TTLL6: variants seen among roughly 807,000 people sequenced by gnomAD.
TTLL6 encodes tubulin tyrosine ligase like 6.
A neutral mutation model predicts 96.4 loss-of-function variants in TTLL6; 75 were observed. The ratio of observed to expected loss-of-function variants is 0.78; its 90% CI spans 0.65 to 0.94. The LOEUF is 0.94. Ranked by LOEUF, TTLL6 falls within the 40% of genes least tolerant of loss-of-function variation. The probability of loss-of-function intolerance (pLI) is 0.00; values close to 1 mark genes in which losing one functional copy is unlikely to be tolerated. For synonymous variants in TTLL6, 411 were observed against 419.4 expected, an observed-to-expected ratio of 0.98 and a Z score of 0.24; for missense variants, 1,030 against 1,093.0, an observed-to-expected ratio of 0.94 and a Z score of 0.81.
In TTLL6 at chr17:48,790,068, C is replaced by T. The variant is rs1457926729; in HGVS notation, c.1263G>A (p.Leu421=). ...HSPSFSTDSR[L]DKEVKDGLLY... ...GCAGACCATCTTTCACCTCTTTATC[C>T]AACCGAGAGTCGGTGGAGAAGCTTG... The change falls in exon 10 of 16, where the codon TTG becomes TTA. Residue 421 remains leucine, a synonymous_variant. Transcript: ENST00000393382. 2 of 1,614,102 alleles carry T rather than the reference C, an allele frequency of 1.2e-6. No individual in the cohort carries two copies. The highest frequency in any genetic ancestry group is 1.3e-5 in the African/African-American group (1 of 75,052).
intron 13 of TTLL6, among the ~76,000 whole-genome samples, chr17:48,781,835 C>G (rs1167034693): frequency 1.3e-5 from 2 of 152,094 alleles, no homozygotes; most frequent in African/African-American, 4.8e-5. Context: ...AATCAGTACC[C>G]TTATAAAAGA....
In TTLL6 at chr17:48,787,813, G is replaced by A. The variant is rs1297547503; in HGVS notation, c.1587C>T (p.Ala529=). 2 of 1,613,544 alleles carry A rather than the reference G, an allele frequency of 1.2e-6. No homozygotes were observed. Among genetic ancestry groups the A allele is most frequent in the Non-Finnish European group, 1.7e-6 (2 of 1,179,702 alleles). Reference sequence around the variant, plus strand: ...CCTCATCCCGGATGTCTTCCTACCGGGCATACTCCTCCCGAGCCCTGGAAG... The same window carrying A: ...CCTCATCCCGGATGTCTTCCTACCGAGCATACTCCTCCCGAGCCCTGGAAG... The part of the protein sequence containing the change: ...TVASRAREEY[A]RQLIQELRLK... The change falls in exon 11 of 16, where the codon GCC becomes GCT. Residue 529 remains alanine, a splice_region_variant and synonymous_variant. Coordinates refer to ENST00000393382, the MANE Select transcript of TTLL6 (RefSeq NM_001130918.3).
At chr17:48,765,581 G>C (rs182564790) in intron 15 of TTLL6, 7 of 152,222 alleles carry the variant, frequency 4.6e-5, no homozygotes, top group African/African-American at 1.7e-4. Flanking sequence ...ATGTTGCCTA[G>C]GCTGGAGAGC....
At chr17:48,814,690 G>T (rs1406860622) in intron 1 of TTLL6, among the ~76,000 whole-genome samples, 1 of 152,234 alleles carries the variant, frequency 6.6e-6, no homozygotes, top group Non-Finnish European at 1.5e-5. Flanking sequence ...GAGGGTCCCT[G>T]TCTTATTTCC....
intron 10 of TTLL6, among the ~76,000 whole-genome samples, chr17:48,789,664 C>T (rs1281443171): frequency 6.6e-6 from 1 of 152,174 alleles, no homozygotes; most frequent in African/African-American, 2.4e-5. Flanking sequence ...AAGCAATTCT[C>T]CTGCCTCAGT....
At chr17:48,814,471 A>G (rs1182637721) in intron 1 of TTLL6, among the ~76,000 whole-genome samples, 1 of 152,164 alleles carries the variant, frequency 6.6e-6, no homozygotes, top group Non-Finnish European at 1.5e-5. Flanking sequence ...TCCAAGTAGG[A>G]TATAGTTAAG....
rs1014874755 is a variant in TTLL6, at chr17:48,803,895, C to G, written c.357G>C (p.Glu119Asp). 1 of 1,552,070 alleles carries G rather than the reference C, an allele frequency of 6.4e-7. No individual in the cohort carries two copies. The highest frequency in any genetic ancestry group is 8.7e-7 in the Non-Finnish European group (1 of 1,147,090). Residue 119 changes from glutamate to aspartate, a missense_variant, in exon 3 of 16, where the codon GAG becomes GAC. Coordinates refer to ENST00000393382, the MANE Select transcript of TTLL6 (RefSeq NM_001130918.3). ...LVINLSSCRY[E>D]SVRRAAQQYG... ...CTCCTGAATGTAGATGCTCACCACT[C>G]TCATACCGGCAGCTGGATAGATTGA... is the stretch of plus-strand genomic sequence containing the variant.
At chr17:48,785,232 C>T in intron 12 of TTLL6, 31 bp from the exon 13 acceptor site, 1 of 1,613,408 alleles carries the variant, frequency 6.2e-7, no homozygotes. Context: ...AACACACAGC[C>T]ATGGGAACCC....
At chr17:48,796,973 T>G in intron 7 of TTLL6, 88 bp downstream of exon 7, 1 of 1,376,644 alleles carries the variant, frequency 7.3e-7, no homozygotes, top group Non-Finnish European at 9.7e-7. Context: ...ACACTCACAA[T>G]GTCTTGAGGA....
At chr17:48,792,491 C>T (rs1427202477) in intron 8 of TTLL6, among the ~76,000 whole-genome samples, 1 of 152,130 alleles carries the variant, frequency 6.6e-6, no homozygotes, top group Non-Finnish European at 1.5e-5. Flanking sequence ...ACAAGAGACA[C>T]GGCTCATCCA....
At position 48,796,187 on chromosome 17, in the gene TTLL6, G is replaced by A. The variant is rs751105754; in HGVS notation, c.913-41C>T. 161 of 1,485,080 alleles carry A rather than the reference G, an allele frequency of 1.1e-4. 1 individual carries two copies. The highest frequency in any genetic ancestry group is 1.4e-4 in the Non-Finnish European group (154 of 1,087,570). The allele number at this position is 1,485,080 out of a possible 1,614,324, so 92.0% of individuals were successfully genotyped here. On this transcript the variant is annotated intron_variant, in intron 7 of 15. Coordinates refer to ENST00000393382, the MANE Select transcript of TTLL6 (RefSeq NM_001130918.3). The stretch of plus-strand genomic sequence containing the variant: ...CACATCTGTCGGGTCAGCTCGGAAG[G>A]GCAGGCCCCCTGCTTCCTCTCTGTG...
At chr17:48,804,221 C>G in intron 2 of TTLL6, 1 of 558,738 alleles carries the variant, frequency 1.8e-6, no homozygotes, top group Non-Finnish European at 3.3e-6. Context: ...AAGCCTTTTA[C>G]TCCACTGGCT....
At position 48,781,686 on chromosome 17, in the gene TTLL6, T is replaced by C. The variant is rs556085162; in HGVS notation, c.2040+3237A>G. The stretch of plus-strand genomic sequence containing the variant: ...AGATGTAGGAATTCTTCATATATGC[T>C]GGATATTAAGCCTGCTATGGTGTGA... On this transcript the variant is annotated intron_variant, in intron 13 of 15. Coordinates refer to ENST00000393382, the MANE Select transcript of TTLL6 (RefSeq NM_001130918.3). Among the ~76,000 whole-genome samples, 37 of 152,312 alleles carry C rather than the reference T, an allele frequency of 2.4e-4. 2 individuals carry two copies. In the South Asian group the frequency reaches 6.2e-3, roughly 26 times the overall value.
intron 3 of TTLL6, among the ~76,000 whole-genome samples, chr17:48,802,927 T>TG (rs1456182006): frequency 2.6e-5 from 4 of 151,790 alleles, no homozygotes; most frequent in African/African-American, 9.7e-5. Flanking sequence ...CCCAACACTC[T>TG]GGGACGCTGA....
At chr17:48,776,327 G>A (rs1170588197) in intron 13 of TTLL6, among the ~76,000 whole-genome samples, 1 of 152,116 alleles carries the variant, frequency 6.6e-6, no homozygotes, top group African/African-American at 2.4e-5. Context: ...AAATTAGCCA[G>A]GTGTGCGCCT....
chr17:48,794,397 T>C, intron 8 of TTLL6: 3 of 1,475,994 alleles, frequency 2.0e-6, no homozygotes, highest in Non-Finnish European at 2.7e-6. Flanking sequence ...ACAGAGACCC[T>C]GTGAGGTGGC....
chr17:48,774,239 T>TTTTG (rs1260843282), intron 13 of TTLL6, among the ~76,000 whole-genome samples: 2 of 136,962 alleles, frequency 1.5e-5, no homozygotes, highest in Non-Finnish European at 3.1e-5. Flanking sequence ...TGTTGTTTTT[T>TTTTG]TTTTTTTTTT....
At position 48,769,141 on chromosome 17, in the gene TTLL6, G is replaced by A. The variant is rs1389604638; in HGVS notation, c.2524C>T (p.Leu842=). 1.2e-6 allele frequency: 2 copies of A among 1,614,168 alleles called. No homozygotes were observed. Among genetic ancestry groups the A allele is most frequent in the Non-Finnish European group, 1.7e-6 (2 of 1,180,016 alleles). Residue 842 remains leucine, a synonymous_variant, in exon 15 of 16, where the codon CTG becomes TTG. Transcript: ENST00000393382. ...GTGGCAATCACCAGCAGGTCCCTCA[G>A]AGTAACATTATAGCTCTGAGGACTC... ...LQSPQSYNVT[L]RDLLVIATPA...
intron 5 of TTLL6, 51 bp downstream of exon 5, chr17:48,801,204 T>A: frequency 2.6e-6 from 4 of 1,515,252 alleles, no homozygotes; most frequent in Non-Finnish European, 3.6e-6. Context: ...CAAGAGGAAA[T>A]GTAAATGGGG....
Sources: gnomAD v4.1 joint callset for allele counts (sites outside exome capture counted in the v4.1 genomes callset) on GRCh38, gnomAD v4.1.1 for gene constraint, MANE v1.5 for transcripts, NCBI Gene and HGNC (gene_info 2026-07-23, HGNC 2026-07-21) for gene names.